Variants in PTPRZ1 observed in about 807,000 individuals in gnomAD.
PTPRZ1 encodes the protein protein tyrosine phosphatase receptor type Z1, also known as receptor-type tyrosine-protein phosphatase zeta.
PTPRZ1 carries 82 observed loss-of-function variants against 214.1 expected under a neutral mutation model. The ratio of observed to expected loss-of-function variants is 0.38; its 90% CI spans 0.32 to 0.46. PTPRZ1 has a LOEUF of 0.46. PTPRZ1 is among the 20% of genes least tolerant of loss of function. The pLI, the probability that PTPRZ1 is intolerant of heterozygous loss-of-function variation, is 1.00. For synonymous variants in PTPRZ1, 945 were observed against 987.9 expected (o/e 0.96, Z 0.81); for missense variants, 2,603 against 2,748.7 (o/e 0.95, Z 1.19).
rs776809841 is a variant in PTPRZ1, at chr7:122,028,555, A to T, written c.4992A>T (p.Lys1664Asn). The T allele has an allele frequency of 6.5e-7, 1 of 1,531,486 alleles. No homozygotes were observed. The allele number at this position is 1,531,486 out of a possible 1,614,324, so 94.9% of individuals were successfully genotyped here. A position where few individuals can be genotyped will look rare whatever the true frequency, so the allele number is the denominator to read the frequency against. ...VLVGILIYWR[K>N]CFQTAHFYLE... ...AATTGTGTTCTTTTATTTCCAGGAA[A>T]TGCTTCCAGACTGCACACTTTTACT... The change falls in exon 14 of 30, where the codon AAA (lysine) becomes AAT (asparagine). Residue 1664 changes from lysine (K) to asparagine (N), a missense_variant. Physicochemically the swap from Lys to Asn is moderately conservative, Grantham distance 94. Transcript: ENST00000393386.
At chr7:122,049,730 A>G (rs1169719813) in intron 23 of PTPRZ1, among the ~76,000 whole-genome samples, 2 of 152,200 alleles carry the variant, frequency 1.3e-5, no homozygotes, top group African/African-American at 4.8e-5. Context: ...ATAGAAGTCA[A>G]TGCAGTATCA....
rs775378477 is a variant in PTPRZ1, at chr7:121,935,513, GTTTGTT to G, written c.124+7308_124+7313del. 8.7e-4 allele frequency among the ~76,000 whole-genome samples: 131 copies of G among 150,918 alleles called. No individual in the cohort carries two copies. The Middle Eastern group carries it at 0.017, about 20-fold the overall frequency. ...GTGGTTTTTGTTTGTTCGTTTGTTC[GTTTGTT>G]TTTGTTTTTGTTTTTTGGGGTTTTT... On this transcript the variant is annotated intron_variant, in intron 2 of 29. Transcript: ENST00000393386.
At chr7:121,909,057 C>G in intron 1 of PTPRZ1, 2 of 435,796 alleles carry the variant, frequency 4.6e-6, no homozygotes, top group Non-Finnish European at 9.1e-6. Flanking sequence ...TTTGCTTGCT[C>G]TCTTCTACCT....
At chr7:121,911,528 C>A (rs1360848592) in intron 1 of PTPRZ1, among the ~76,000 whole-genome samples, 1 of 152,076 alleles carries the variant, frequency 6.6e-6, no homozygotes, top group Non-Finnish European at 1.5e-5. Flanking sequence ...AATAACTTTT[C>A]ATGTCTAATT....
chr7:122,060,360 A>G (rs2150497952), intron 29 of PTPRZ1, among the ~76,000 whole-genome samples: 1 of 152,318 alleles, frequency 6.6e-6, no homozygotes, highest in South Asian at 2.1e-4. Flanking sequence ...GGAGATGCAC[A>G]GTTCGCGAAA....
intron 22 of PTPRZ1, among the ~76,000 whole-genome samples, 185 bp from the exon 23 acceptor site, chr7:122,044,237 C>T (rs1159972755): frequency 6.6e-6 from 1 of 152,156 alleles, no homozygotes; most frequent in Non-Finnish European, 1.5e-5. Flanking sequence ...AGAAGAGGTT[C>T]TTTCTTCTGT....
chr7:121,952,020 G>A (rs1348077012), intron 2 of PTPRZ1, among the ~76,000 whole-genome samples: 1 of 150,538 alleles, frequency 6.6e-6, no homozygotes, highest in African/African-American at 2.4e-5. Flanking sequence ...GTGCAGTGAC[G>A]CGATCTCGGC....
At chr7:122,004,243 T>A (rs1289024858) in intron 10 of PTPRZ1, among the ~76,000 whole-genome samples, 1 of 152,170 alleles carries the variant, frequency 6.6e-6, no homozygotes, top group African/African-American at 2.4e-5. Context: ...CTGCTAAGGA[T>A]GAAATAACTC....
chr7:121,975,681 C>T (rs1367084951), intron 4 of PTPRZ1, among the ~76,000 whole-genome samples: 2 of 152,084 alleles, frequency 1.3e-5, no homozygotes, highest in Non-Finnish European at 2.9e-5. Flanking sequence ...TGGACTGAAG[C>T]AGAAATTAAC....
At position 122,031,563 on chromosome 7, in the gene PTPRZ1, T is replaced by A; in HGVS notation, c.5166+4T>A. 1 of 1,578,544 alleles carries A rather than the reference T, an allele frequency of 6.3e-7. No homozygotes were observed. The highest frequency in any genetic ancestry group is 8.7e-7 in the Non-Finnish European group (1 of 1,151,162). On this transcript the variant is annotated splice_donor_region_variant and intron_variant, in intron 15 of 29. Transcript: ENST00000393386. ...TGGGTTTACTGAAGAATTTGAGGTA[T>A]GATTTTAATATGTCTATTTTAAATA... is the stretch of plus-strand genomic sequence containing the variant.
rs769327134 is a variant in PTPRZ1 at position 122,010,664 on chromosome 7, G to C, written c.1618G>C (p.Asp540His). 8 of 1,613,542 alleles carry C rather than the reference G, an allele frequency of 5.0e-6. No individual in the cohort carries two copies. The highest frequency in any genetic ancestry group is 6.8e-6 in the Non-Finnish European group (8 of 1,179,542). The change falls in exon 12 of 30, where the codon GAT (aspartate) becomes CAT (histidine). Residue 540 changes from aspartate to histidine, a missense_variant. By Grantham distance (81) the Asp-to-His change is moderately conservative. Transcript: ENST00000393386. The part of the protein sequence containing the change: ...TVEGTSASLN[D>H]GSKTVLRSPH... ...GGAAGGTACTTCAGCCTCTTTAAAT[G>C]ATGGCTCTAAAACTGTTCTTAGATC... is the stretch of plus-strand genomic sequence containing the variant.
intron 2 of PTPRZ1, among the ~76,000 whole-genome samples, chr7:121,931,928 T>C (rs2116386998): frequency 6.6e-6 from 1 of 151,794 alleles, no homozygotes; most frequent in African/African-American, 2.4e-5. Flanking sequence ...GTATTTGTTG[T>C]AGGGGGGTGG....
intron 13 of PTPRZ1, among the ~76,000 whole-genome samples, chr7:122,023,582 TTA>T (rs991398116): frequency 8.2e-4 from 109 of 133,438 alleles, no homozygotes; most frequent in Non-Finnish European, 1.4e-3. Flanking sequence ...TTATATATAA[TTA>T]TATATATTAT....
At chr7:121,941,015 T>C (rs1796225541) in intron 2 of PTPRZ1, among the ~76,000 whole-genome samples, 1 of 152,192 alleles carries the variant, frequency 6.6e-6, no homozygotes, top group Non-Finnish European at 1.5e-5. Flanking sequence ...TGACTCTTCT[T>C]TTCTGCAGGC....
In PTPRZ1 at chr7:122,031,456, AT is replaced by A; in HGVS notation, c.5081-11del. 1.9e-6 allele frequency: 3 copies of A among 1,594,548 alleles called. No homozygotes were observed. The highest frequency in any genetic ancestry group is 2.6e-6 in the Non-Finnish European group (3 of 1,164,188). On this transcript the variant is annotated splice_polypyrimidine_tract_variant and intron_variant, in intron 14 of 29. Coordinates refer to ENST00000393386, the MANE Select transcript of PTPRZ1 (RefSeq NM_002851.3). The stretch of plus-strand genomic sequence containing the variant: ...CTGTTAAATTATGCTCTCTAACACA[AT>A]TTTTTTATTCACGTAGATGATGTCG...
chr7:121,896,989 G>T (rs1036771815), intron 1 of PTPRZ1, among the ~76,000 whole-genome samples: 1 of 152,106 alleles, frequency 6.6e-6, no homozygotes, highest in Non-Finnish European at 1.5e-5. Flanking sequence ...TAAATTGTCA[G>T]TGGGTGTATT....
chr7:121,959,066 G>A (rs940360818), intron 2 of PTPRZ1, among the ~76,000 whole-genome samples: 10 of 152,038 alleles, frequency 6.6e-5, no homozygotes, highest in Middle Eastern at 3.2e-3. Flanking sequence ...CTCGTGATCC[G>A]CCCGTCTCGG....
intron 1 of PTPRZ1, among the ~76,000 whole-genome samples, chr7:121,905,726 G>A (rs1795096736): frequency 6.6e-6 from 1 of 150,734 alleles, no homozygotes; most frequent in South Asian, 2.1e-4. Flanking sequence ...AAGGGTCTGT[G>A]ATATAAATTC....
chr7:121,997,748 C>A, intron 9 of PTPRZ1, 132 bp from the exon 10 acceptor site: 18 of 546,518 alleles, frequency 3.3e-5, no homozygotes, highest in East Asian at 4.8e-5. Context: ...ATTGCATAAA[C>A]TTTTCCTTAG....
Sources: gnomAD v4.1 joint callset for allele counts (sites outside exome capture counted in the v4.1 genomes callset) on GRCh38, gnomAD v4.1.1 for gene constraint, MANE v1.5 for transcripts, NCBI Gene and HGNC (gene_info 2026-07-23, HGNC 2026-07-21) for gene names.